The following GLT1D1 variants were observed in gnomAD, a reference collection of about 807,000 sequenced individuals.
GLT1D1 encodes the protein glycosyltransferase 1 domain-containing protein 1.
A neutral mutation model predicts 28.7 loss-of-function variants in GLT1D1; 21 were observed. The observed-to-expected ratio is 0.73, with a 90% confidence interval of 0.52 to 1.05. The LOEUF is 1.05. Ranked by LOEUF, GLT1D1 falls within the 50% of genes least tolerant of loss-of-function variation. The pLI, the probability that GLT1D1 is intolerant of heterozygous loss-of-function variation, is 0.00. For synonymous variants in GLT1D1, 147 were observed against 124.8 expected (o/e 1.18, Z -1.19); for missense variants, 343 against 330.6 (o/e 1.04, Z -0.29).
intron 1 of GLT1D1, among the ~76,000 whole-genome samples, chr12:128,861,657 G>A (rs1009723589): frequency 7.2e-5 from 11 of 152,162 alleles, no homozygotes; most frequent in South Asian, 4.1e-4. Context: ...CATCTGGAAC[G>A]GAGAGTGCAA....
intron 4 of GLT1D1, among the ~76,000 whole-genome samples, chr12:128,934,277 C>G (rs1367902862): frequency 6.8e-6 from 1 of 146,184 alleles, no homozygotes; most frequent in Non-Finnish European, 1.5e-5. Flanking sequence ...GATCTCGGCT[C>G]ACTGCAACCT....
chr12:128,944,430 C>G, intron 4 of GLT1D1: 1 of 1,341,544 alleles, frequency 7.5e-7, no homozygotes, highest in Non-Finnish European at 1.1e-6. Flanking sequence ...CTTCATAAGC[C>G]TTTAGTCTCT....
At chr12:128,890,029 C>T (rs1166135644) in intron 3 of GLT1D1, among the ~76,000 whole-genome samples, 1 of 152,226 alleles carries the variant, frequency 6.6e-6, no homozygotes, top group East Asian at 1.9e-4. Flanking sequence ...CTGCCTCGGC[C>T]TCCCAAAGTG....
At chr12:128,982,393 T>C (rs1461145682) in intron 7 of GLT1D1, among the ~76,000 whole-genome samples, 2 of 152,180 alleles carry the variant, frequency 1.3e-5, no homozygotes, top group Non-Finnish European at 2.9e-5. Context: ...GAAGCACTAG[T>C]GCTTTCCACT....
chr12:128,915,061 G>A (rs1021093089), intron 4 of GLT1D1, 72 bp downstream of exon 6: 57 of 1,229,710 alleles, frequency 4.6e-5, no homozygotes, highest in Middle Eastern at 1.9e-4. Flanking sequence ...AGCTTGTGAC[G>A]TTCATGCGGT....
chr12:128,911,516 A>G (rs917416533), intron 4 of GLT1D1, among the ~76,000 whole-genome samples: 10 of 152,176 alleles, frequency 6.6e-5, no homozygotes, highest in Admixed American at 4.6e-4. Context: ...TAGTTCAGTC[A>G]CTTAATGCAT....
intron 7 of GLT1D1, among the ~76,000 whole-genome samples, chr12:128,982,506 A>G (rs1880415705): frequency 6.6e-6 from 1 of 152,152 alleles, no homozygotes; most frequent in African/African-American, 2.4e-5. Context: ...GTCATATTGT[A>G]TGGGGCTCAG....
intron 4 of GLT1D1, among the ~76,000 whole-genome samples, chr12:128,936,365 A>G (rs1195535277): frequency 6.6e-6 from 1 of 152,148 alleles, no homozygotes. Flanking sequence ...CGTGTTAGCC[A>G]GGATGGTCTC....
chr12:128,922,435 A>C (rs1419082540), intron 4 of GLT1D1, among the ~76,000 whole-genome samples: 1 of 152,140 alleles, frequency 6.6e-6, no homozygotes, highest in Non-Finnish European at 1.5e-5. Context: ...CTCAATCTTG[A>C]AAAGTTTTCT....
intron 4 of GLT1D1, among the ~76,000 whole-genome samples, chr12:128,911,131 T>C (rs1000249344): frequency 6.6e-6 from 1 of 152,206 alleles, no homozygotes; most frequent in Non-Finnish European, 1.5e-5. Context: ...GGTTTCACCA[T>C]GTTGCCCAGA....
chr12:128,857,477 A>T (rs555920597), intron 1 of GLT1D1, among the ~76,000 whole-genome samples: 19 of 152,324 alleles, frequency 1.2e-4, no homozygotes, highest in Middle Eastern at 3.4e-3. Context: ...GAAGAAAAAG[A>T]AAAAAGCAGA....
chr12:128,885,523 C>T (rs1005854297), intron 2 of GLT1D1, among the ~76,000 whole-genome samples: 2 of 152,144 alleles, frequency 1.3e-5, no homozygotes, highest in South Asian at 2.1e-4. Context: ...ATGCCTGGCC[C>T]CTCTCTTAGC....
At chr12:128,888,865 A>T in intron 3 of GLT1D1, 121 bp downstream of exon 3, 1 of 617,108 alleles carries the variant, frequency 1.6e-6, no homozygotes, top group South Asian at 2.0e-5. Flanking sequence ...CTTAAAACCA[A>T]TTTCATGTAA....
At chr12:128,967,900 C>T (rs1305742377) in intron 7 of GLT1D1, among the ~76,000 whole-genome samples, 4 of 152,240 alleles carry the variant, frequency 2.6e-5, no homozygotes, top group Non-Finnish European at 5.9e-5. Context: ...GCAGATCCTG[C>T]TGCGTTGATT....
At chr12:128,896,350 T>C (rs1310974103) in intron 3 of GLT1D1, among the ~76,000 whole-genome samples, 1 of 152,134 alleles carries the variant, frequency 6.6e-6, no homozygotes, top group Non-Finnish European at 1.5e-5. Context: ...GTTAAGAATT[T>C]TCTTTCTAAC....
chr12:128,907,329 C>T lies in GLT1D1; in HGVS notation c.375+8042C>T, dbSNP rs1033155088. Among the ~76,000 whole-genome samples the T allele has an allele frequency of 1.1e-3, 158 of 142,958 alleles. 1 individual carries two copies. Among genetic ancestry groups the T allele is most frequent in the African/African-American group, 4.0e-3 (153 of 38,254 alleles). 93.8% of individuals were successfully genotyped at this position (142,958 alleles called of 152,430 possible). ...TTTTTTTTTTTTTTTTTTTTGAGAC[C>T]GAGTCTCGCTTTGTTGCCCAGGCTG... On this transcript the variant is annotated intron_variant, in intron 4 of 7. Transcript: ENST00000281703.
intron 1 of GLT1D1, 88 bp from the exon 2 acceptor site, chr12:128,875,822 CAAAA>C: frequency 2.0e-6 from 2 of 1,012,608 alleles, no homozygotes; most frequent in Non-Finnish European, 2.8e-6. Context: ...CAACAACAAC[CAAAA>C]AAAAAAAAAG....
At chr12:128,959,467 GGCAGCAAGGGAGT>G in intron 7 of GLT1D1, among the ~76,000 whole-genome samples, 1 of 105,002 alleles carries the variant, frequency 9.5e-6, no homozygotes, top group African/African-American at 3.4e-5. Flanking sequence ...GTGGTGGGGG[GGCAGCAAGGGAGT>G]GGGGGCTGGC....
rs188690427 is a variant in GLT1D1 at position 128,938,613 on chromosome 12, C to T, written c.376-6713C>T. On this transcript the variant is annotated intron_variant, in intron 4 of 7. Coordinates refer to ENST00000281703, the MANE Select transcript of GLT1D1 (RefSeq NM_144669.3). ...GCGTTATTTCAGTTAGTGTTATAAACTGTTGGGATATCATCATATTCTTCA... is the reference window on the plus strand; with the variant it reads ...GCGTTATTTCAGTTAGTGTTATAAATTGTTGGGATATCATCATATTCTTCA... Among the ~76,000 whole-genome samples the T allele has an allele frequency of 9.2e-5, 14 of 152,294 alleles. No homozygotes were observed. In the East Asian group the frequency reaches 2.7e-3, roughly 29 times the overall value.
Sources: allele counts gnomAD v4.1 joint callset (sites outside exome capture counted in the v4.1 genomes callset), GRCh38; gene constraint gnomAD v4.1.1; transcripts MANE v1.5; gene names NCBI Gene and HGNC (gene_info 2026-07-23, HGNC 2026-07-21).